CNIH3: variants seen among roughly 807,000 people sequenced by gnomAD.
The protein encoded by CNIH3 is protein cornichon homolog 3.
Under a neutral mutation model 24.1 loss-of-function variants are expected in CNIH3, and 14 were observed. The observed-to-expected ratio is 0.58, with a 90% CI of 0.38 to 0.91. The LOEUF (loss-of-function observed/expected upper bound fraction) is 0.91. Among genes scored for constraint, CNIH3 ranks in the 40% least tolerant of loss-of-function variants. The pLI, the probability that CNIH3 is intolerant of heterozygous loss-of-function variation, is 0.00. For missense variants in CNIH3, 178 were observed against 196.8 expected, an observed-to-expected ratio of 0.90 and a Z score of 0.57; for synonymous variants, 68 against 73.8, an observed-to-expected ratio of 0.92 and a Z score of 0.40.
downstream of CNIH3, among the ~76,000 whole-genome samples, chr1:224,592,949 G>T (rs908924006): frequency 6.6e-6 from 1 of 152,132 alleles, no homozygotes; most frequent in African/African-American, 2.4e-5. Flanking sequence ...TGCCTGTTTA[G>T]TGGTGCTAAT....
chr1:224,667,335 A>G (rs1343364949), intron 1 of CNIH3, among the ~76,000 whole-genome samples: 2 of 152,224 alleles, frequency 1.3e-5, no homozygotes, highest in African/African-American at 2.4e-5. Flanking sequence ...ATTGATTTTC[A>G]TTCAGTGAAG....
At chr1:224,735,670 A>G (rs1689558393) in intron 5 of CNIH3, among the ~76,000 whole-genome samples, 2 of 152,016 alleles carry the variant, frequency 1.3e-5, no homozygotes, top group South Asian at 4.2e-4. Flanking sequence ...TTTAATTTTT[A>G]TTTAAAGATG....
chr1:224,466,523 A>G (rs141524017), intron 1 of CNIH3, among the ~76,000 whole-genome samples: 84 of 152,302 alleles, frequency 5.5e-4, no homozygotes, highest in African/African-American at 1.9e-3. Flanking sequence ...TTTGGGTGGT[A>G]TCTAGTTCTT....
chr1:224,645,714 G>A (rs1187769502), intron 1 of CNIH3, among the ~76,000 whole-genome samples: 2 of 152,200 alleles, frequency 1.3e-5, no homozygotes, highest in African/African-American at 4.8e-5. Flanking sequence ...TTGGAGCCTA[G>A]AAACCTAAAG....
chr1:224,695,588 G>A (rs905323108), intron 3 of CNIH3, among the ~76,000 whole-genome samples: 13 of 152,180 alleles, frequency 8.5e-5, no homozygotes, highest in Non-Finnish European at 1.8e-4. Flanking sequence ...CCAGCTCATA[G>A]GTCTGGTCCC....
chr1:224,456,600 AG>A (rs1336103857), intron 1 of CNIH3, among the ~76,000 whole-genome samples: 3 of 152,132 alleles, frequency 2.0e-5, no homozygotes, highest in Admixed American at 6.5e-5. Flanking sequence ...TTGTAGAGAT[AG>A]GATTGTACCG....
intron 5 of CNIH3, among the ~76,000 whole-genome samples, chr1:224,584,976 T>A (rs1329320216): frequency 6.6e-6 from 1 of 152,188 alleles, no homozygotes; most frequent in African/African-American, 2.4e-5. Flanking sequence ...AATAATCTGT[T>A]AGAGACCAAT....
chr1:224,666,125 A>G (rs1572687068), intron 1 of CNIH3, among the ~76,000 whole-genome samples: 1 of 152,296 alleles, frequency 6.6e-6, no homozygotes, highest in South Asian at 2.1e-4. Context: ...GGACACTGAG[A>G]CATAGGGGAT....
intron 1 of CNIH3, chr1:224,459,329 A>C: frequency 1.8e-6 from 1 of 547,794 alleles, no homozygotes; most frequent in Non-Finnish European, 2.3e-6. Flanking sequence ...GGTCTTTAAC[A>C]AAGTGATGAA....
intron 4 of CNIH3, among the ~76,000 whole-genome samples, chr1:224,572,549 C>G (rs1680864246): frequency 6.7e-6 from 1 of 150,326 alleles, no homozygotes; most frequent in African/African-American, 2.4e-5. Flanking sequence ...TCACTACACC[C>G]CTGATCTAAT....
intron 5 of CNIH3, among the ~76,000 whole-genome samples, chr1:224,585,652 C>CTT (rs201787338): frequency 6.9e-6 from 1 of 145,598 alleles, no homozygotes; most frequent in Admixed American, 6.9e-5. Context: ...AATTTAAAAA[C>CTT]TTTTTTTTTT....
At chr1:224,726,085 T>C (rs1374003518) in intron 3 of CNIH3, among the ~76,000 whole-genome samples, 3 of 152,174 alleles carry the variant, frequency 2.0e-5, no homozygotes, top group South Asian at 2.1e-4. Flanking sequence ...AAAACAAGAT[T>C]GTGGACAATG....
At chr1:224,589,339 C>T (rs1263261574), downstream of CNIH3, among the ~76,000 whole-genome samples, 2 of 152,158 alleles carry the variant, frequency 1.3e-5, no homozygotes, top group African/African-American at 4.8e-5. Flanking sequence ...CACACAGCAT[C>T]ATGTTTATAA....
intron 1 of CNIH3, among the ~76,000 whole-genome samples, chr1:224,486,233 G>C (rs1183695215): frequency 6.6e-5 from 10 of 151,908 alleles, no homozygotes; most frequent in Non-Finnish European, 7.4e-5. Flanking sequence ...AGCCTCCCCA[G>C]AAGCTGGGAC....
chr1:224,566,033 T>G (rs528092377), intron 3 of CNIH3, among the ~76,000 whole-genome samples: 1,725 of 34,580 alleles, frequency 0.05, 31 homozygotes, highest in African/African-American at 0.27. Flanking sequence ...GGCTTTCTGT[T>G]TTTTTTTTTT....
intron 1 of CNIH3, among the ~76,000 whole-genome samples, chr1:224,501,484 G>A (rs916503471): frequency 1.3e-5 from 2 of 150,330 alleles, no homozygotes; most frequent in Admixed American, 6.6e-5. Context: ...ATGCTCAGCA[G>A]ACAGCAGCAT....
At chr1:224,613,917 T>C (rs948994154), upstream of CNIH3, among the ~76,000 whole-genome samples, 1 of 152,066 alleles carries the variant, frequency 6.6e-6, no homozygotes, top group East Asian at 1.9e-4. Flanking sequence ...CTGGCTCTAT[T>C]GCCTAGGCTG....
rs777756494 is a variant in CNIH3 at position 224,449,016 on chromosome 1, G to A, written n.203+14154G>A. On this transcript the variant is annotated intron_variant and non_coding_transcript_variant, in intron 1 of 5. Coordinates refer to the CNIH3 transcript ENST00000471578. ...TTTCGTTCTTTTTGCCCAGGCTGGA[G>A]TGCAATGGCATGATCTTGGCTCACT... 2.7e-5 allele frequency among the ~76,000 whole-genome samples: 4 copies of A among 148,828 alleles called. No individual in the cohort carries two copies. The South Asian group carries it at 6.4e-4, about 24-fold the overall frequency.
chr1:224,540,757 AGGAAGTCACATGCATTAAAC>A (rs768071171), downstream of CNIH3, among the ~76,000 whole-genome samples: 99 of 152,316 alleles, frequency 6.5e-4, no homozygotes, highest in Admixed American at 1.1e-3. Context: ...TGGTGAGAAA[AGGAAGTCACATGCATTAAAC>A]TTGCATGTTG....
Sources: allele counts gnomAD v4.1 joint callset (sites outside exome capture counted in the v4.1 genomes callset), GRCh38; gene constraint gnomAD v4.1.1; transcripts MANE v1.5; gene names NCBI Gene and HGNC (gene_info 2026-07-23, HGNC 2026-07-21).